The following PDGFD variants were observed in gnomAD, a reference collection of about 807,000 sequenced individuals.
The protein encoded by PDGFD is platelet-derived growth factor D.
Under a neutral mutation model 44.7 loss-of-function variants are expected in PDGFD, and 30 were observed. The ratio of observed to expected loss-of-function variants is 0.67; its 90% CI spans 0.50 to 0.91. PDGFD has a LOEUF of 0.91. Ranked by LOEUF, PDGFD falls within the 40% of genes least tolerant of loss-of-function variation. The probability of loss-of-function intolerance (pLI) is 0.00; values close to 1 mark genes in which losing one functional copy is unlikely to be tolerated. For synonymous variants in PDGFD, 173 were observed against 168.4 expected (o/e 1.03, Z -0.21); for missense variants, 445 against 457.8 (o/e 0.97, Z 0.25).
intron 1 of PDGFD, among the ~76,000 whole-genome samples, chr11:104,089,512 T>G (rs938653575): frequency 6.6e-6 from 1 of 152,194 alleles, no homozygotes; most frequent in East Asian, 1.9e-4. Context: ...TAGGAAAAAA[T>G]TAATTGTAAG....
rs1227764810 is a variant in PDGFD, at chr11:104,139,759, C to T, written c.124+24045G>A. Among the ~76,000 whole-genome samples the T allele has an allele frequency of 1.2e-3, 23 of 19,930 alleles. 8 individuals are homozygous for T. Among genetic ancestry groups the T allele is most frequent in the Middle Eastern group, 0.025 (1 of 40 alleles). 13.1% of individuals were successfully genotyped at this position (19,930 alleles called of 152,430 possible). On this transcript the variant is annotated intron_variant, in intron 1 of 6. Transcript: ENST00000393158. ...TTGTCATGTCTTAATAAATAACGGC[C>T]GGGCGCGGTGGCTCACGCCTGTAAT...
chr11:104,097,703 G>A (rs112561910), intron 1 of PDGFD, among the ~76,000 whole-genome samples: 4 of 152,208 alleles, frequency 2.6e-5, no homozygotes, highest in African/African-American at 7.2e-5. Flanking sequence ...AACAATCCCC[G>A]CACCAACTCT....
Position 104,153,838 on chromosome 11 carries a change from C to A in PDGFD, c.124+9966G>T, listed in dbSNP as rs113434856. On this transcript the variant is annotated intron_variant, in intron 1 of 6. Transcript: ENST00000393158. ...TATATTTTTGGGGGTCATTTGCACACAAGTACCAATTGACACTAGATAAAG... is the reference window on the plus strand; with the variant it reads ...TATATTTTTGGGGGTCATTTGCACAAAAGTACCAATTGACACTAGATAAAG... 6.0e-3 allele frequency among the ~76,000 whole-genome samples: 918 copies of A among 152,086 alleles called. 12 individuals carry two copies. Among genetic ancestry groups the A allele is most frequent in the African/African-American group, 0.021 (864 of 41,464 alleles).
chr11:103,979,311 T>G (rs949444385), intron 3 of PDGFD, among the ~76,000 whole-genome samples: 1 of 152,048 alleles, frequency 6.6e-6, no homozygotes, highest in Non-Finnish European at 1.5e-5. Flanking sequence ...CTACTTAGAT[T>G]AATGATTCCC....
In PDGFD at chr11:103,909,726, C is replaced by T. The variant is rs146343067; in HGVS notation, c.1081G>A (p.Asp361Asn). The T allele has an allele frequency of 3.2e-5, 52 of 1,613,878 alleles. No individual in the cohort carries two copies. The highest frequency in any genetic ancestry group is 2.9e-4 in the African/African-American group (22 of 74,914). Reference protein sequence around the residue: ...DIQLDHHERCDCICSSRPPR With the variant: ...DIQLDHHERCNCICSSRPPR The stretch of plus-strand genomic sequence containing the variant: ...GGTGGTCTTGAGCTGCAGATACAAT[C>T]ACATCGTTCATGGTGATCCAACTGG... The change falls in exon 7 of 7, where the codon GAT becomes AAT. Residue 361 changes from aspartate (D) to asparagine (N), a missense_variant. Coordinates refer to ENST00000393158, the MANE Select transcript of PDGFD (RefSeq NM_025208.5).
chr11:104,056,230 G>T (rs967351075), intron 1 of PDGFD, among the ~76,000 whole-genome samples: 2 of 151,978 alleles, frequency 1.3e-5, no homozygotes, highest in Non-Finnish European at 2.9e-5. Context: ...TCTTTACATT[G>T]AACAATGATA....
At chr11:104,011,355 T>TCACATAATGAA (rs1859784331) in intron 1 of PDGFD, among the ~76,000 whole-genome samples, 1 of 152,098 alleles carries the variant, frequency 6.6e-6, no homozygotes, top group African/African-American at 2.4e-5. Context: ...TAGTTACATA[T>TCACATAATGAA]CACATAATGA....
Position 103,908,330 on chromosome 11 carries a change from C to T in PDGFD, c.*1364G>A, listed in dbSNP as rs982376281. On this transcript the variant is annotated 3_prime_UTR_variant, in exon 7 of 7. Transcript: ENST00000393158. Reference sequence around the variant, plus strand: ...CAGAGAGAAAAAATTACTCTAAATACCATTAACCAATGTAAAACAGTTTTC... The same window carrying T: ...CAGAGAGAAAAAATTACTCTAAATATCATTAACCAATGTAAAACAGTTTTC... 5.3e-5 allele frequency: 8 copies of T among 152,110 alleles called. No individual in the cohort carries two copies. The highest frequency in any genetic ancestry group is 1.0e-4 in the Non-Finnish European group (7 of 68,022). 9.4% of individuals were successfully genotyped at this position (152,110 alleles called of 1,614,324 possible).
intron 1 of PDGFD, among the ~76,000 whole-genome samples, chr11:104,145,304 T>C (rs188742815): frequency 1.3e-5 from 2 of 152,354 alleles, no homozygotes; most frequent in Admixed American, 1.3e-4. Context: ...TGTTACGTCA[T>C]GCAATACATG....
At chr11:104,032,898 AAGT>A (rs907774936) in intron 1 of PDGFD, among the ~76,000 whole-genome samples, 9 of 151,960 alleles carry the variant, frequency 5.9e-5, no homozygotes, top group Non-Finnish European at 1.3e-4. Context: ...TAAGGGAGAA[AAGT>A]AAGGGAGTAT....
At chr11:104,160,033 A>G (rs1205765444) in intron 1 of PDGFD, among the ~76,000 whole-genome samples, 1 of 152,210 alleles carries the variant, frequency 6.6e-6, no homozygotes, top group Non-Finnish European at 1.5e-5. Context: ...CTTTGCTTTC[A>G]GACTCTTTAA....
chr11:103,980,461 C>T (rs1261577701), intron 3 of PDGFD, among the ~76,000 whole-genome samples: 1 of 152,070 alleles, frequency 6.6e-6, no homozygotes, highest in Non-Finnish European at 1.5e-5. Context: ...AAGAAAGGTA[C>T]ATCTAATGTG....
chr11:104,122,230 G>A (rs1480561560), intron 1 of PDGFD, among the ~76,000 whole-genome samples: 1 of 152,016 alleles, frequency 6.6e-6, no homozygotes, highest in Admixed American at 6.6e-5. Context: ...CTTGGGGCCA[G>A]ACATATCTAA....
intron 1 of PDGFD, among the ~76,000 whole-genome samples, chr11:104,005,488 T>C (rs1317481801): frequency 6.6e-6 from 1 of 152,194 alleles, no homozygotes. Flanking sequence ...GAATTATAGA[T>C]ACAAAGAACA....
At chr11:104,137,727 A>AT in intron 1 of PDGFD, among the ~76,000 whole-genome samples, 1 of 104,588 alleles carries the variant, frequency 9.6e-6, no homozygotes, top group African/African-American at 3.5e-5. Context: ...ATAGATCACC[A>AT]CTTTTTTTTT....
chr11:104,150,026 A>T (rs10895593), intron 1 of PDGFD, among the ~76,000 whole-genome samples: 28,561 of 152,102 alleles, frequency 0.19, 2,812 homozygotes, highest in East Asian at 0.29. Context: ...TGCTCTGTGA[A>T]TGGCAGCTAT....
At chr11:103,949,257 C>T (rs1286090842) in intron 3 of PDGFD, among the ~76,000 whole-genome samples, 1 of 152,080 alleles carries the variant, frequency 6.6e-6, no homozygotes, top group Admixed American at 6.5e-5. Context: ...CCCACCTCGG[C>T]CCCCCAAAGT....
intron 1 of PDGFD, among the ~76,000 whole-genome samples, chr11:104,067,170 A>T (rs1860801909): frequency 6.6e-6 from 1 of 152,156 alleles, no homozygotes; most frequent in African/African-American, 2.4e-5. Context: ...ACATAGTTTC[A>T]AACATCTGTC....
chr11:104,060,945 A>G (rs361256), intron 1 of PDGFD, among the ~76,000 whole-genome samples: 67,622 of 151,940 alleles, frequency 0.45, 16,118 homozygotes, highest in African/African-American at 0.62. Flanking sequence ...ATCACCAACT[A>G]TTTCTAATTT....
Sources: gnomAD v4.1 joint callset for allele counts (sites outside exome capture counted in the v4.1 genomes callset) on GRCh38, gnomAD v4.1.1 for gene constraint, MANE v1.5 for transcripts, NCBI Gene and HGNC (gene_info 2026-07-23, HGNC 2026-07-21) for gene names.